The following MYT1L variants were observed in gnomAD, a reference collection of about 807,000 sequenced individuals.
MYT1L encodes the protein myelin transcription factor 1 like.
In MYT1L, 12 loss-of-function variants were observed where a neutral mutation model predicts 126.7. The ratio of observed to expected loss-of-function variants is 0.09; its 90% CI spans 0.06 to 0.15. The LOEUF is 0.15. Ranked by LOEUF, MYT1L falls within the 10% of genes least tolerant of loss-of-function variation. The pLI, the probability that MYT1L is intolerant of heterozygous loss-of-function variation, is 1.00. For synonymous variants in MYT1L, 541 were observed against 604.2 expected, an observed-to-expected ratio of 0.90 and a Z score of 1.53; for missense variants, 979 against 1,585.2, an observed-to-expected ratio of 0.62 and a Z score of 6.49.
At chr2:2,198,832 C>T (rs552000234) in intron 2 of MYT1L, among the ~76,000 whole-genome samples, 3 of 151,862 alleles carry the variant, frequency 2.0e-5, no homozygotes, top group South Asian at 2.1e-4. Flanking sequence ...GGCGACAGAG[C>T]GAGACTCTGT....
intron 8 of MYT1L, among the ~76,000 whole-genome samples, chr2:1,945,021 C>A (rs1242055468): frequency 6.6e-6 from 1 of 152,080 alleles, no homozygotes; most frequent in Non-Finnish European, 1.5e-5. Context: ...TTCAATACAT[C>A]CCAATTAAAA....
rs1373721653 is a variant in MYT1L at position 1,848,350 on chromosome 2, C to T, written c.2774+3291G>A. ...TTCCAGACACCACGGAAGCGCGAGG[C>T]GTTTGTCCTGGGAGCAGGAGGGAGA... On this transcript the variant is annotated intron_variant, in intron 19 of 24. Transcript: ENST00000647738. This position sits in a 1 kb window ranked among gnomAD's most constrained non-coding sequence, Gnocchi z 4.8. Among the ~76,000 whole-genome samples, 3 of 150,094 alleles carry T rather than the reference C, an allele frequency of 2.0e-5. No individual in the cohort carries two copies. The highest frequency in any genetic ancestry group is 3.0e-5 in the Non-Finnish European group (2 of 67,694).
rs34032030 is a variant in MYT1L, at chr2:2,284,789, T to TCC, written c.-520-287_-520-286insGG. Among the ~76,000 whole-genome samples the TCC allele has an allele frequency of 6.4e-3, 978 of 151,762 alleles. 17 individuals carry two copies. Among genetic ancestry groups the TCC allele is most frequent in the African/African-American group, 0.021 (889 of 41,408 alleles). On this transcript the variant is annotated intron_variant, in intron 1 of 24. Transcript: ENST00000647738. ...GGCGGGATCTTGGCTCACTGGAGCC[T>TCC]GTCTCCTGGGTTCAAGCGATTCTCC...
chr2:1,901,513 A>C (rs1163441023), intron 14 of MYT1L, among the ~76,000 whole-genome samples: 1 of 152,198 alleles, frequency 6.6e-6, no homozygotes, highest in Non-Finnish European at 1.5e-5. Context: ...TTATCCATTT[A>C]TGTCTGTTTC....
chr2:2,109,802 A>T (rs1370314690), intron 3 of MYT1L, among the ~76,000 whole-genome samples: 2 of 149,368 alleles, frequency 1.3e-5, no homozygotes, highest in African/African-American at 4.9e-5. Context: ...ACACATGCAC[A>T]TGCACACAAA....
At chr2:1,961,143 T>C (rs1193389556) in intron 8 of MYT1L, among the ~76,000 whole-genome samples, 10 of 152,214 alleles carry the variant, frequency 6.6e-5, no homozygotes, top group African/African-American at 2.2e-4. Context: ...CCTGGCTGTA[T>C]GTGATTCCCT....
At chr2:2,039,512 A>G (rs2150001417) in intron 4 of MYT1L, among the ~76,000 whole-genome samples, 1 of 152,356 alleles carries the variant, frequency 6.6e-6, no homozygotes, top group Non-Finnish European at 1.5e-5. Context: ...CTGTTAGGGA[A>G]GTTTACCATT....
Position 1,817,611 on chromosome 2 carries a change from G to A in MYT1L, c.3081-8444C>T, listed in dbSNP as rs191967545. Among the ~76,000 whole-genome samples the A allele has an allele frequency of 4.1e-3, 630 of 152,324 alleles. 4 individuals are homozygous for A. The highest frequency in any genetic ancestry group is 0.014 in the African/African-American group (592 of 41,582). ...ATCCGGTGACTGCACTGCCAGCTCA[G>A]GTCCAATTTGGAAGAGAACCCTGGG... is the stretch of plus-strand genomic sequence containing the variant. On this transcript the variant is annotated intron_variant, in intron 21 of 24. Transcript: ENST00000647738.
intron 4 of MYT1L, among the ~76,000 whole-genome samples, chr2:2,038,922 C>T (rs886609050): frequency 6.6e-6 from 1 of 152,120 alleles, no homozygotes; most frequent in African/African-American, 2.4e-5. Context: ...GGGTCTGGTC[C>T]CTCCTCCTCG....
At position 2,109,875 on chromosome 2, in the gene MYT1L, T is replaced by TTATATATA. The variant is rs58549168; in HGVS notation, c.-303-55760_-303-55753dup. 8.5e-3 allele frequency among the ~76,000 whole-genome samples: 540 copies of TTATATATA among 63,760 alleles called. 21 individuals carry two copies. The highest frequency in any genetic ancestry group is 0.01 in the Non-Finnish European group (355 of 34,540). The allele number at this position is 63,760 out of a possible 152,430, so 41.8% of individuals were successfully genotyped here. A position where few individuals can be genotyped will look rare whatever the true frequency, so the allele number is the denominator to read the frequency against. On this transcript the variant is annotated intron_variant, in intron 3 of 24. Transcript: ENST00000647738. ...AGGAAGATTCACAAAAGTGCTGATT[T>TTATATATA]TATATATATATATATATATATATAT... is the stretch of plus-strand genomic sequence containing the variant.
At chr2:2,298,359 T>A (rs1349764861) in intron 1 of MYT1L, among the ~76,000 whole-genome samples, 1 of 152,162 alleles carries the variant, frequency 6.6e-6, no homozygotes. Context: ...TGAGAGACCA[T>A]TCGATGAAGC....
chr2:2,067,784 T>C (rs1381877379), intron 3 of MYT1L, among the ~76,000 whole-genome samples: 1 of 152,164 alleles, frequency 6.6e-6, no homozygotes, highest in African/African-American at 2.4e-5. Context: ...GAAGAAGATA[T>C]ATTTTTGATT....
intron 18 of MYT1L, among the ~76,000 whole-genome samples, chr2:1,860,744 T>G (rs1209146592): frequency 6.6e-6 from 1 of 152,106 alleles, no homozygotes; most frequent in Non-Finnish European, 1.5e-5. Flanking sequence ...CCTTTGTCCT[T>G]ATCACTCTCA....
intron 21 of MYT1L, among the ~76,000 whole-genome samples, chr2:1,813,180 G>T (rs540378583): frequency 6.6e-6 from 1 of 152,182 alleles, no homozygotes; most frequent in South Asian, 2.1e-4. Flanking sequence ...GCTGCAGGTG[G>T]GGGGGAGAGA....
Position 2,279,568 on chromosome 2 carries a change from TGAAGGAAGGAAGGAAGGAAG to T in MYT1L, c.-421+4816_-421+4835del, listed in dbSNP as rs199817306. On this transcript the variant is annotated intron_variant, in intron 2 of 24. Coordinates refer to ENST00000647738, the MANE Select transcript of MYT1L (RefSeq NM_001303052.2). ...GAGAAAGAGAGAAGGAATGAATGAA[TGAAGGAAGGAAGGAAGGAAG>T]GAAGGAAGGAAGGAAGGAAGGAATC... is the stretch of plus-strand genomic sequence containing the variant. Among the ~76,000 whole-genome samples the T allele has an allele frequency of 4.1e-5, 6 of 145,094 alleles. No individual in the cohort carries two copies. The East Asian group carries it at 8.2e-4, about 20-fold the overall frequency.
At chr2:2,122,730 T>A (rs1177507374) in intron 3 of MYT1L, among the ~76,000 whole-genome samples, 3 of 152,114 alleles carry the variant, frequency 2.0e-5, no homozygotes, top group African/African-American at 7.2e-5. Context: ...GAACGCTGGG[T>A]TGGCCATACA....
intron 18 of MYT1L, among the ~76,000 whole-genome samples, chr2:1,866,611 G>C (rs1573006097): frequency 1.5e-5 from 2 of 129,844 alleles, no homozygotes; most frequent in African/African-American, 6.0e-5. Flanking sequence ...GAGGGAGGGG[G>C]AGAGAGAGAG....
chr2:1,839,459 G>T, intron 20 of MYT1L, 89 bp from the exon 21 acceptor site: 2 of 1,231,388 alleles, frequency 1.6e-6, no homozygotes, highest in Non-Finnish European at 2.3e-6. Flanking sequence ...CCGGCATGAA[G>T]AAGAAAAAAA....
In MYT1L at chr2:1,889,428, T is replaced by C; in HGVS notation, c.2333A>G (p.Asn778Ser). 3 of 1,613,394 alleles carry C rather than the reference T, an allele frequency of 1.9e-6. No individual in the cohort carries two copies. Among genetic ancestry groups the C allele is most frequent in the Non-Finnish European group, 2.5e-6 (3 of 1,179,524 alleles). ...GCAGCTGTCCCGCGGCCTCTGCTTG[T>C]TCATGCTGAGGTCCAGGGTCCCGTT... Reference protein sequence around the residue: ...DENGTLDLSMNKQRPRDSCCP... With the variant: ...DENGTLDLSMSKQRPRDSCCP... Residue 778 changes from asparagine (N) to serine (S), a missense_variant, in exon 16 of 25, where the codon AAC (asparagine) becomes AGC (serine). Coordinates refer to ENST00000647738, the MANE Select transcript of MYT1L (RefSeq NM_001303052.2). This position sits in a 1 kb window ranked among gnomAD's most constrained non-coding sequence, Gnocchi z 4.1.
Sources: allele counts gnomAD v4.1 joint callset (sites outside exome capture counted in the v4.1 genomes callset), GRCh38; gene constraint gnomAD v4.1.1; non-coding constraint Gnocchi (gnomAD v3.1); transcripts MANE v1.5; gene names NCBI Gene and HGNC (gene_info 2026-07-23, HGNC 2026-07-21).